DIS3: variants seen among roughly 807,000 people sequenced by gnomAD.
DIS3 encodes the protein exosome complex exonuclease RRP44.
A neutral mutation model predicts 113.0 loss-of-function variants in DIS3; 103 were observed. That is an observed-to-expected ratio of 0.91 (90% CI 0.78 to 1.07). DIS3 has a LOEUF of 1.07. Ranked by LOEUF, DIS3 falls within the 50% of genes least tolerant of loss-of-function variation. The pLI is 0.00. For synonymous variants in DIS3, 402 were observed against 394.3 expected (o/e 1.02, Z -0.23); for missense variants, 1,121 against 1,167.1 (o/e 0.96, Z 0.58).
At chr13:72,760,954 T>A (rs1218617561) in intron 19 of DIS3, among the ~76,000 whole-genome samples, 2 of 152,102 alleles carry the variant, frequency 1.3e-5, no homozygotes, top group Non-Finnish European at 2.9e-5. Context: ...CAAAGGTATT[T>A]TGGCCAGTTT....
At chr13:72,772,569 C>T in intron 9 of DIS3, 124 bp downstream of exon 9, 1 of 1,068,778 alleles carries the variant, frequency 9.4e-7, no homozygotes, top group South Asian at 1.9e-5. Context: ...GAATGCTATA[C>T]CCAACAAAAT....
In DIS3 at chr13:72,772,263, G is replaced by C; in HGVS notation, c.1399C>G (p.Arg467Gly). 1 of 1,610,516 alleles carries C rather than the reference G, an allele frequency of 6.2e-7. No homozygotes were observed. The highest frequency in any genetic ancestry group is 8.5e-7 in the Non-Finnish European group (1 of 1,178,848). The change falls in exon 10 of 21, where the codon CGA becomes GGA. Residue 467 changes from arginine to glycine, a missense_variant. Arg to Gly is a moderately radical substitution (Grantham distance 125). Coordinates refer to ENST00000377767, the MANE Select transcript of DIS3 (RefSeq NM_014953.5). ...ATACACAGATGCCTCAGGTCTTCTC[G>C]GTTTTTCATGTCCTAGAAGACATGA... The part of the protein sequence containing the change: ...WSITEKDMKN[R>G]EDLRHLCICS...
At position 72,771,130 on chromosome 13, in the gene DIS3, G is replaced by C. The variant is rs899575073; in HGVS notation, c.1621C>G (p.Pro541Ala). Residue 541 changes from proline (P) to alanine (A), a missense_variant, in exon 12 of 21, where the codon CCA (proline) becomes GCA (alanine). This residue lies in a region of DIS3 where 861 missense variants were observed against 915.5 expected (regional missense o/e 0.94). Coordinates refer to ENST00000377767, the MANE Select transcript of DIS3 (RefSeq NM_014953.5). ...YLCEKRIDMV[P>A]ELLSSNLCSL... ...CACAAGTTAGAGCTAAGCAACTCTG[G>C]AACCATGTCAATCCTCTGCAAAAGA... 2 of 1,613,480 alleles carry C rather than the reference G, an allele frequency of 1.2e-6. No homozygotes were observed. The highest frequency in any genetic ancestry group is 1.7e-6 in the Non-Finnish European group (2 of 1,179,690).
Position 72,753,758 on chromosome 13 carries a change from C to T in DIS3, c.*6037G>A, listed in dbSNP as rs754116720. 1 of 1,613,322 alleles carries T rather than the reference C, an allele frequency of 6.2e-7. No homozygotes were observed. The highest frequency in any genetic ancestry group is 8.5e-7 in the Non-Finnish European group (1 of 1,179,574). ...TGGATACAGTTGGGGCAGAAAGTTA[C>T]TGCAAAGAAAGTGATGCACAAACAT... is the stretch of plus-strand genomic sequence containing the variant. On this transcript the variant is annotated 3_prime_UTR_variant, in exon 21 of 21. Coordinates refer to ENST00000377767, the MANE Select transcript of DIS3 (RefSeq NM_014953.5).
chr13:72,763,970 C>T (rs1288396289), intron 15 of DIS3, among the ~76,000 whole-genome samples: 1 of 151,944 alleles, frequency 6.6e-6, no homozygotes, highest in Admixed American at 6.6e-5. Context: ...GCCAACATGA[C>T]GAAACCCTGA....
In DIS3 at chr13:72,753,478, T is replaced by C. The variant is rs1271822424; in HGVS notation, c.*6317A>G. The C allele has an allele frequency of 2.5e-6, 1 of 407,896 alleles. No homozygotes were observed. The highest frequency in any genetic ancestry group is 4.3e-6 in the Non-Finnish European group (1 of 232,168). The allele number at this position is 407,896 out of a possible 1,614,324, so 25.3% of individuals were successfully genotyped here. A position where few individuals can be genotyped will look rare whatever the true frequency, so the allele number is the denominator to read the frequency against. On this transcript the variant is annotated 3_prime_UTR_variant, in exon 21 of 21. Coordinates refer to ENST00000377767, the MANE Select transcript of DIS3 (RefSeq NM_014953.5). ...TAAGGAAGTTACAAGATATATTTCA[T>C]TGGAAGGAATTGTAAAATGACTACA...
chr13:72,765,849 A>G, intron 15 of DIS3, 123 bp downstream of exon 15: 1 of 693,968 alleles, frequency 1.4e-6, no homozygotes, highest in Non-Finnish European at 2.1e-6. Context: ...AAGCCAAATA[A>G]AGTAGAAATC....
chr13:72,766,083 T>C (rs1217770828), intron 14 of DIS3, 25 bp from the exon 15 acceptor site: 2 of 1,565,972 alleles, frequency 1.3e-6, no homozygotes, highest in Admixed American at 1.9e-5. Context: ...AAGAGAAAAA[T>C]TATAGTCAAG....
chr13:72,779,852 A>G (rs2034112359), intron 2 of DIS3, among the ~76,000 whole-genome samples: 1 of 152,148 alleles, frequency 6.6e-6, no homozygotes, highest in African/African-American at 2.4e-5. Context: ...CAGCCTTTCC[A>G]CCACAAAAAA....
Position 72,755,320 on chromosome 13 carries a change from C to T in DIS3, c.*4475G>A, listed in dbSNP as rs1566232628. On this transcript the variant is annotated 3_prime_UTR_variant, in exon 21 of 21. Coordinates refer to ENST00000377767, the MANE Select transcript of DIS3 (RefSeq NM_014953.5). ...ACTGGGAAAAAATTACTTCAAGTAA[C>T]ATGCTTAGCTTTCCCTCCTTAATGT... 1 of 923,478 alleles carries T rather than the reference C, an allele frequency of 1.1e-6. No homozygotes were observed. The highest frequency in any genetic ancestry group is 1.7e-6 in the Non-Finnish European group (1 of 595,150). The allele number at this position is 923,478 out of a possible 1,614,324, so 57.2% of individuals were successfully genotyped here. A position where few individuals can be genotyped will look rare whatever the true frequency, so the allele number is the denominator to read the frequency against.
rs1319170610 is a variant in DIS3 at position 72,763,403 on chromosome 13, G to A, written c.2127+48C>T. 4 of 1,542,250 alleles carry A rather than the reference G, an allele frequency of 2.6e-6. No individual in the cohort carries two copies. In the African/African-American group the frequency reaches 4.2e-5, roughly 16 times the overall value. ...TGAATATAAATTATTTAGAACAACAGGTAGATCAAAACACAAATAGATGAT... is the reference window on the plus strand; with the variant it reads ...TGAATATAAATTATTTAGAACAACAAGTAGATCAAAACACAAATAGATGAT... On this transcript the variant is annotated intron_variant, in intron 16 of 20. Transcript: ENST00000377767.
chr13:72,762,172 A>C, intron 16 of DIS3, 35 bp from the exon 17 acceptor site: 1 of 1,554,734 alleles, frequency 6.4e-7, no homozygotes, highest in Non-Finnish European at 8.8e-7. Context: ...CACCATATTA[A>C]ACATTTCTAA....
chr13:72,759,619 A>C lies in DIS3; in HGVS notation c.*176T>G. On this transcript the variant is annotated 3_prime_UTR_variant, in exon 21 of 21. Transcript: ENST00000377767. ...AAATAATTCTGTTCAACCCAGAAGT[A>C]TAGTAGTATGATGGGTCAGATACAG... The C allele has an allele frequency of 3.5e-6, 2 of 563,660 alleles. No homozygotes were observed. Among genetic ancestry groups the C allele is most frequent in the Non-Finnish European group, 6.3e-6 (2 of 317,162 alleles). The allele number at this position is 563,660 out of a possible 1,614,324, so 34.9% of individuals were successfully genotyped here.
In DIS3 at chr13:72,756,221, T is replaced by A. The variant is rs1593828438; in HGVS notation, c.*3574A>T. 2 of 303,006 alleles carry A rather than the reference T, an allele frequency of 6.6e-6. No individual in the cohort carries two copies. Among genetic ancestry groups the A allele is most frequent in the East Asian group, 1.0e-4 (2 of 19,176 alleles). The allele number at this position is 303,006 out of a possible 1,614,324, so 18.8% of individuals were successfully genotyped here. ...ATGTGTCATTTTCTTCTTTCCTCCA[T>A]AACTGTACCTTGAAACCTTACTGCT... On this transcript the variant is annotated 3_prime_UTR_variant, in exon 21 of 21. Coordinates refer to ENST00000377767, the MANE Select transcript of DIS3 (RefSeq NM_014953.5).
At position 72,755,969 on chromosome 13, in the gene DIS3, T is replaced by TG; in HGVS notation, c.*3825dup. On this transcript the variant is annotated 3_prime_UTR_variant, in exon 21 of 21. Transcript: ENST00000377767. ...AATGTGGGAGAACCAAGAGAAAAAG[T>TG]GGGGCTGGGAGAGTGGAGTTCCCGT... is the stretch of plus-strand genomic sequence containing the variant. 1 of 398,434 alleles carries TG rather than the reference T, an allele frequency of 2.5e-6. No homozygotes were observed. The highest frequency in any genetic ancestry group is 4.4e-6 in the Non-Finnish European group (1 of 226,032). The allele number at this position is 398,434 out of a possible 1,614,324, so 24.7% of individuals were successfully genotyped here. A position where few individuals can be genotyped will look rare whatever the true frequency, so the allele number is the denominator to read the frequency against.
At chr13:72,765,866 C>T (rs1051043246) in intron 15 of DIS3, 106 bp downstream of exon 15, 2 of 763,376 alleles carry the variant, frequency 2.6e-6, no homozygotes, top group South Asian at 3.4e-5. Flanking sequence ...AATCATGACC[C>T]TAATCATTAT....
chr13:72,778,684 T>G (rs2034080421), intron 2 of DIS3, among the ~76,000 whole-genome samples: 1 of 152,188 alleles, frequency 6.6e-6, no homozygotes, highest in African/African-American at 2.4e-5. Context: ...GTTGAGACAC[T>G]AAATAATAGT....
chr13:72,766,126 T>A, intron 14 of DIS3, 68 bp from the exon 15 acceptor site: 1 of 1,363,358 alleles, frequency 7.3e-7, no homozygotes, highest in Non-Finnish European at 1.0e-6. Context: ...ATAGAAATTA[T>A]TCTTTTAAAA....
At chr13:72,777,338 T>A in intron 4 of DIS3, 82 bp downstream of exon 4, 3 of 1,384,710 alleles carry the variant, frequency 2.2e-6, no homozygotes, top group Non-Finnish European at 2.0e-6. Context: ...ATTCCAATTT[T>A]TAAATTTGGT....
Sources: allele counts gnomAD v4.1 joint callset (sites outside exome capture counted in the v4.1 genomes callset), GRCh38; gene constraint gnomAD v4.1.1; regional missense constraint gnomAD v4.1.1; transcripts MANE v1.5; gene names NCBI Gene and HGNC (gene_info 2026-07-23, HGNC 2026-07-21).